Variants in SHROOM4 observed in about 807,000 individuals in gnomAD.
SHROOM4 encodes shroom family member 4, also known as protein Shroom4.
SHROOM4 carries 17 observed loss-of-function variants against 80.3 expected under a neutral mutation model. That is an observed-to-expected ratio of 0.21 (90% CI 0.14 to 0.32). The LOEUF is 0.32. SHROOM4 is among the 10% of genes least tolerant of loss of function. The probability of loss-of-function intolerance (pLI) is 1.00; values close to 1 mark genes in which losing one functional copy is unlikely to be tolerated. For missense variants in SHROOM4, 993 were observed against 1,140.3 expected, an observed-to-expected ratio of 0.87 and a Z score of 1.86; for synonymous variants, 400 against 437.5, an observed-to-expected ratio of 0.91 and a Z score of 1.07.
chrX:50,733,267 G>A (rs960524475), intron 1 of SHROOM4, among the ~76,000 whole-genome samples: 2 of 111,804 alleles, frequency 1.8e-5, no homozygotes, highest in African/African-American at 6.5e-5. Context: ...TCCTCAATTT[G>A]ATAAGGGCTT....
At chrX:50,624,987 C>A (rs1557252771) in intron 5 of SHROOM4, among the ~76,000 whole-genome samples, 1 of 111,474 alleles carries the variant, frequency 9.0e-6, no homozygotes, top group Non-Finnish European at 1.9e-5. Context: ...TAGGTCCCAT[C>A]AAACTGTATG....
chrX:50,757,130 T>C (rs1202998606), intron 1 of SHROOM4, among the ~76,000 whole-genome samples: 4 of 112,470 alleles, frequency 3.6e-5, no homozygotes, highest in African/African-American at 1.3e-4. Context: ...GCTCTTATAC[T>C]TAGGTATATG....
chrX:50,669,981 A>G (rs1381692981), intron 2 of SHROOM4, among the ~76,000 whole-genome samples: 3 of 112,018 alleles, frequency 2.7e-5, no homozygotes, highest in Non-Finnish European at 5.6e-5. Context: ...CCTCCCTTGA[A>G]TCATGAATAT....
rs1177999429 is a variant in SHROOM4, at chrX:50,608,280, C to T, written c.2958-96G>A. ...ATTTATATAAAATTTAAAATGTCCACAAAACAATGTAGTATGTGTAGTAAA... is the reference window on the plus strand; with the variant it reads ...ATTTATATAAAATTTAAAATGTCCATAAAACAATGTAGTATGTGTAGTAAA... On this transcript the variant is annotated intron_variant, in intron 5 of 8. Transcript: ENST00000376020. 10 of 761,739 alleles carry T rather than the reference C, an allele frequency of 1.3e-5. No homozygotes were observed. The African/African-American group carries it at 1.5e-4, about 11-fold the overall frequency. 62.8% of individuals were successfully genotyped at this position (761,739 alleles called of 1,213,427 possible). A position where few individuals can be genotyped will look rare whatever the true frequency, so the allele number is the denominator to read the frequency against.
At chrX:50,720,595 T>C (rs1325357540) in intron 1 of SHROOM4, among the ~76,000 whole-genome samples, 4 of 112,138 alleles carry the variant, frequency 3.6e-5, no homozygotes, top group Non-Finnish European at 7.5e-5. Flanking sequence ...ATAAAGTCTT[T>C]TACTCACCAT....
At chrX:50,747,669 A>C (rs1430143893) in intron 1 of SHROOM4, among the ~76,000 whole-genome samples, 6 of 112,408 alleles carry the variant, frequency 5.3e-5, no homozygotes, top group Admixed American at 4.7e-4. Flanking sequence ...GCTGCATCTC[A>C]TGCAGGTTTG....
At position 50,608,075 on chromosome X, in the gene SHROOM4, G is replaced by A; in HGVS notation, c.3067C>T (p.Leu1023Phe). 8.3e-7 allele frequency: 1 copy of A among 1,211,551 alleles called. No homozygotes were observed. The highest frequency in any genetic ancestry group is 1.1e-6 in the Non-Finnish European group (1 of 895,453). ...AAAGCATGTTTGAAGTCTCCAAGGAGGTCAAGAGAAGAAATTGCTCGGTAG... is the reference window on the plus strand; with the variant it reads ...AAAGCATGTTTGAAGTCTCCAAGGAAGTCAAGAGAAGAAATTGCTCGGTAG... Reference protein sequence around the residue: ...SSYRAISSLDLLGDFKHALKK... With the variant: ...SSYRAISSLDFLGDFKHALKK... Residue 1023 changes from leucine (L) to phenylalanine (F), a missense_variant, in exon 6 of 9, where the codon CTC becomes TTC. Physicochemically the swap from Leu to Phe is conservative, Grantham distance 22. Transcript: ENST00000376020.
chrX:50,762,780 C>A (rs782696179), intron 1 of SHROOM4, among the ~76,000 whole-genome samples: 5 of 111,714 alleles, frequency 4.5e-5, no homozygotes, highest in Admixed American at 3.8e-4. Flanking sequence ...TTGGAGTTCA[C>A]TTGTACATTA....
intron 1 of SHROOM4, among the ~76,000 whole-genome samples, chrX:50,696,376 T>A (rs1933369920): frequency 8.9e-6 from 1 of 112,059 alleles, no homozygotes; most frequent in African/African-American, 3.2e-5. Context: ...TAAGTTTGAA[T>A]CCTGGCTCTG....
At chrX:50,778,189 C>T (rs1172452776) in intron 1 of SHROOM4, among the ~76,000 whole-genome samples, 1 of 112,326 alleles carries the variant, frequency 8.9e-6, no homozygotes, top group African/African-American at 3.2e-5. Context: ...ACTGCAGACT[C>T]TTGAGTACCC....
At chrX:50,759,376 G>T (rs1051973408) in intron 1 of SHROOM4, among the ~76,000 whole-genome samples, 16 of 111,830 alleles carry the variant, frequency 1.4e-4, no homozygotes, top group African/African-American at 5.2e-4. Flanking sequence ...CTGACACCTT[G>T]ATCTTATACT....
chrX:50,738,488 A>T (rs1168948124), intron 1 of SHROOM4, among the ~76,000 whole-genome samples: 1 of 111,947 alleles, frequency 8.9e-6, no homozygotes, highest in Non-Finnish European at 1.9e-5. Flanking sequence ...AAGTCTCAGG[A>T]TACAAAATCA....
At chrX:50,640,120 C>T (rs1340784551) in intron 2 of SHROOM4, among the ~76,000 whole-genome samples, 1 of 111,777 alleles carries the variant, frequency 8.9e-6, no homozygotes, top group Non-Finnish European at 1.9e-5. Flanking sequence ...GGTAGTTATC[C>T]GGTCAACAAC....
chrX:50,694,220 ACC>A (rs1226417777), intron 2 of SHROOM4, among the ~76,000 whole-genome samples: 3 of 110,910 alleles, frequency 2.7e-5, no homozygotes, highest in African/African-American at 9.9e-5. Flanking sequence ...CTGAATATGT[ACC>A]CAGCAGGGGA....
intron 2 of SHROOM4, among the ~76,000 whole-genome samples, chrX:50,688,817 C>T (rs73483712): frequency 0.12 from 12,525 of 108,848 alleles, 1,878 homozygotes; most frequent in African/African-American, 0.4. Flanking sequence ...TACACATCCT[C>T]ATGTAGGGAA....
chrX:50,606,713 G>C (rs1929688210), intron 6 of SHROOM4, among the ~76,000 whole-genome samples: 1 of 111,118 alleles, frequency 9.0e-6, no homozygotes, highest in Non-Finnish European at 1.9e-5. Context: ...TGCCCAGGCA[G>C]CTCACCCTGT....
In SHROOM4 at chrX:50,608,095, C is replaced by G. The variant is rs782516917; in HGVS notation, c.3047G>C (p.Arg1016Pro). Reference sequence around the variant, plus strand: ...AAGGAGGTCAAGAGAAGAAATTGCTCGGTAGCTTGACAAGTCCAGTGCTGG... The same window carrying G: ...AAGGAGGTCAAGAGAAGAAATTGCTGGGTAGCTTGACAAGTCCAGTGCTGG... Reference protein sequence around the residue: ...ENPALDLSSYRAISSLDLLGD... With the variant: ...ENPALDLSSYPAISSLDLLGD... Residue 1016 changes from arginine (R) to proline (P), a missense_variant, in exon 6 of 9, where the codon CGA (arginine) becomes CCA (proline). Physicochemically the swap from Arg to Pro is moderately radical, Grantham distance 103 (BLOSUM62 -2). Coordinates refer to ENST00000376020, the MANE Select transcript of SHROOM4 (RefSeq NM_020717.5). The G allele has an allele frequency of 1.7e-6, 2 of 1,211,120 alleles. No homozygotes were observed. The highest frequency in any genetic ancestry group is 1.1e-6 in the Non-Finnish European group (1 of 895,333).
At chrX:50,671,310 T>A (rs1231359350) in intron 2 of SHROOM4, among the ~76,000 whole-genome samples, 3 of 111,890 alleles carry the variant, frequency 2.7e-5, no homozygotes, top group African/African-American at 9.7e-5. Context: ...CATTAGCCCC[T>A]AACAAGAGAG....
intron 2 of SHROOM4, among the ~76,000 whole-genome samples, chrX:50,661,955 A>C (rs1441077946): frequency 9.0e-6 from 1 of 110,817 alleles, no homozygotes; most frequent in Non-Finnish European, 1.9e-5. Context: ...CTGAGATAGA[A>C]CTCTAGGTTA....
Sources: gnomAD v4.1 joint callset for allele counts (sites outside exome capture counted in the v4.1 genomes callset) on GRCh38, gnomAD v4.1.1 for gene constraint, MANE v1.5 for transcripts, NCBI Gene and HGNC (gene_info 2026-07-23, HGNC 2026-07-21) for gene names.